The following RHOQ variants were observed in gnomAD, a reference collection of about 807,000 sequenced individuals.
RHOQ encodes ras homolog family member Q.
In RHOQ, 7 loss-of-function variants were observed where a neutral mutation model predicts 25.8. The observed-to-expected ratio is 0.27, with a 90% CI of 0.15 to 0.51. RHOQ has a LOEUF of 0.51. Ranked by LOEUF, RHOQ falls within the 20% of genes least tolerant of loss-of-function variation. RHOQ has a pLI of 0.97. For synonymous variants in RHOQ, 97 were observed against 98.6 expected, an observed-to-expected ratio of 0.98 and a Z score of 0.10; for missense variants, 165 against 260.6, an observed-to-expected ratio of 0.63 and a Z score of 2.53.
chr2:46,546,189 G>A (rs927748320), intron 2 of RHOQ, among the ~76,000 whole-genome samples: 9 of 151,748 alleles, frequency 5.9e-5, no homozygotes, highest in South Asian at 2.1e-4. Flanking sequence ...TTTTGCACCT[G>A]GGGAGTGCAA....
At chr2:46,551,611 C>T (rs979707262) in intron 2 of RHOQ, among the ~76,000 whole-genome samples, 1 of 152,166 alleles carries the variant, frequency 6.6e-6, no homozygotes, top group Non-Finnish European at 1.5e-5. Context: ...AGATATTAAT[C>T]TGGTGCTGTG....
chr2:46,581,987 G>A lies in RHOQ; in HGVS notation c.*904G>A. 1 of 158,474 alleles carries A rather than the reference G, an allele frequency of 6.3e-6. No individual in the cohort carries two copies. Among genetic ancestry groups the A allele is most frequent in the Non-Finnish European group, 1.4e-5 (1 of 72,240 alleles). The allele number at this position is 158,474 out of a possible 1,614,324, so 9.8% of individuals were successfully genotyped here. Reference sequence around the variant, plus strand: ...AAATGAAATGAGAAGTGTGTATGCTGACCAAACCACAAGAAACTTTCTTTA... The same window carrying A: ...AAATGAAATGAGAAGTGTGTATGCTAACCAAACCACAAGAAACTTTCTTTA... On this transcript the variant is annotated 3_prime_UTR_variant, in exon 5 of 5. Transcript: ENST00000238738.
intron 2 of RHOQ, among the ~76,000 whole-genome samples, chr2:46,554,991 T>C (rs73926504): frequency 0.025 from 3,743 of 152,280 alleles, 158 homozygotes; most frequent in African/African-American, 0.087. Flanking sequence ...TCTTCCCCAG[T>C]GAGCTGATTA....
At chr2:46,546,464 ATATATATATGTG>A (rs1236299909) in intron 2 of RHOQ, among the ~76,000 whole-genome samples, 1 of 5,238 alleles carries the variant, frequency 1.9e-4, no homozygotes, top group African/African-American at 8.0e-4. Context: ...ATATATATAT[ATATATATATGTG>A]TATATATATA....
At chr2:46,545,792 G>A (rs977387098) in intron 2 of RHOQ, among the ~76,000 whole-genome samples, 1 of 152,188 alleles carries the variant, frequency 6.6e-6, no homozygotes, top group African/African-American at 2.4e-5. Context: ...CATTCTCTGA[G>A]TGGGTGTTGG....
chr2:46,553,483 A>G (rs936875099), intron 2 of RHOQ, among the ~76,000 whole-genome samples: 2 of 152,168 alleles, frequency 1.3e-5, no homozygotes, highest in Non-Finnish European at 2.9e-5. Flanking sequence ...GCTACAAACA[A>G]TCCAATTACA....
intron 2 of RHOQ, among the ~76,000 whole-genome samples, chr2:46,551,711 A>C (rs1278433747): frequency 6.6e-6 from 1 of 152,212 alleles, no homozygotes; most frequent in Non-Finnish European, 1.5e-5. Context: ...TGGTGAGAGC[A>C]CTGAAGCAGC....
intron 2 of RHOQ, among the ~76,000 whole-genome samples, chr2:46,574,961 T>G (rs1439053990): frequency 6.6e-6 from 1 of 152,192 alleles, no homozygotes; most frequent in African/African-American, 2.4e-5. Flanking sequence ...AAAGTTTCTT[T>G]GAAACCAGAT....
chr2:46,577,067 G>C (rs17035304), intron 4 of RHOQ: 8,569 of 154,144 alleles, frequency 0.056, 419 homozygotes, highest in African/African-American at 0.13. Flanking sequence ...AATCAGCTCT[G>C]TCTTAAGACT....
chr2:46,554,789 CT>C (rs11438549), intron 2 of RHOQ, among the ~76,000 whole-genome samples: 363 of 138,550 alleles, frequency 2.6e-3, no homozygotes, highest in Admixed American at 5.9e-3. Context: ...TTCTTTCTTT[CT>C]TTTTTTTTTT....
rs1198554572 is a variant in RHOQ at position 46,552,358 on chromosome 2, A to G, written c.201+8546A>G. Among the ~76,000 whole-genome samples the G allele has an allele frequency of 2.0e-5, 3 of 152,164 alleles. No homozygotes were observed. Among genetic ancestry groups the G allele is most frequent in the Non-Finnish European group, 4.4e-5 (3 of 68,026 alleles). On this transcript the variant is annotated intron_variant, in intron 2 of 4. Coordinates refer to ENST00000238738, the MANE Select transcript of RHOQ (RefSeq NM_012249.4). The surrounding 1 kb of genome is among the most constrained non-coding windows in gnomAD (Gnocchi z 5.0). ...TTGCCTAAAGCTGTGGCCCCTTCCC[A>G]GAAGAGAGGGACAGGGAAATGCTGT... is the stretch of plus-strand genomic sequence containing the variant.
chr2:46,558,278 G>C (rs1370513383), intron 2 of RHOQ, among the ~76,000 whole-genome samples: 1 of 152,178 alleles, frequency 6.6e-6, no homozygotes, highest in Non-Finnish European at 1.5e-5. Context: ...CTGTTTCCAG[G>C]ATCTCAGGTC....
At chr2:46,547,307 T>C (rs1647042415) in intron 2 of RHOQ, among the ~76,000 whole-genome samples, 1 of 152,236 alleles carries the variant, frequency 6.6e-6, no homozygotes, top group African/African-American at 2.4e-5. Context: ...CCCAGTCAAG[T>C]TCAAAGCCAT....
In RHOQ at chr2:46,576,068, G is replaced by A; in HGVS notation, c.202-19G>A. 6.3e-7 allele frequency: 1 copy of A among 1,576,086 alleles called. No individual in the cohort carries two copies. The highest frequency in any genetic ancestry group is 8.6e-7 in the Non-Finnish European group (1 of 1,165,014). ...AATAGAAATGTAAATACATAATGAG[G>A]CTTTTCTTTGTTCCTCAGGAAGACT... is the stretch of plus-strand genomic sequence containing the variant. On this transcript the variant is annotated intron_variant, in intron 2 of 4. Transcript: ENST00000238738. This position sits in a 1 kb window ranked among gnomAD's most constrained non-coding sequence, Gnocchi z 5.1.
At chr2:46,543,275 C>G in intron 1 of RHOQ, 87 bp downstream of exon 1, 1 of 1,473,398 alleles carries the variant, frequency 6.8e-7, no homozygotes, top group Admixed American at 1.7e-5. Context: ...GCCGCCTCCC[C>G]AGAGCGCACT....
intron 2 of RHOQ, among the ~76,000 whole-genome samples, chr2:46,545,517 A>T (rs1668017412): frequency 6.6e-6 from 1 of 152,128 alleles, no homozygotes; most frequent in Non-Finnish European, 1.5e-5. Flanking sequence ...ACACATGCAA[A>T]TATTATTTTA....
chr2:46,562,411 A>C lies in RHOQ; in HGVS notation c.202-13676A>C, dbSNP rs1344673815. 2.6e-5 allele frequency among the ~76,000 whole-genome samples: 4 copies of C among 152,318 alleles called. No homozygotes were observed. In the East Asian group the frequency reaches 7.7e-4, roughly 29 times the overall value. On this transcript the variant is annotated intron_variant, in intron 2 of 4. Coordinates refer to ENST00000238738, the MANE Select transcript of RHOQ (RefSeq NM_012249.4). ...AGTTTATCTGGTGATTTTCTTATAAAGTTCTATTGTTACTAGTTTCCTCCT... is the reference window on the plus strand; with the variant it reads ...AGTTTATCTGGTGATTTTCTTATAACGTTCTATTGTTACTAGTTTCCTCCT...
intron 2 of RHOQ, among the ~76,000 whole-genome samples, chr2:46,563,744 G>A (rs1668642628): frequency 1.3e-5 from 2 of 152,086 alleles, no homozygotes; most frequent in Non-Finnish European, 2.9e-5. Flanking sequence ...ACACACGCAT[G>A]TGTGTCTGGG....
intron 2 of RHOQ, among the ~76,000 whole-genome samples, chr2:46,549,347 C>T (rs956634258): frequency 2.0e-5 from 3 of 152,096 alleles, no homozygotes; most frequent in Non-Finnish European, 4.4e-5. Flanking sequence ...GGGTCAGAGG[C>T]CCCATGGAGA....
Sources: gnomAD v4.1 joint callset for allele counts (sites outside exome capture counted in the v4.1 genomes callset) on GRCh38, gnomAD v4.1.1 for gene constraint, Gnocchi (gnomAD v3.1) non-coding constraint, MANE v1.5 for transcripts, NCBI Gene and HGNC (gene_info 2026-07-23, HGNC 2026-07-21) for gene names.